MBNL2: variants seen among roughly 807,000 people sequenced by gnomAD.
MBNL2 encodes muscleblind-like protein 2.
A neutral mutation model predicts 41.9 loss-of-function variants in MBNL2; 17 were observed. The observed-to-expected ratio is 0.41, with a 90% CI of 0.28 to 0.61. The LOEUF (loss-of-function observed/expected upper bound fraction) is 0.61. Ranked by LOEUF, MBNL2 falls within the 20% of genes least tolerant of loss-of-function variation. The pLI is 0.35. For synonymous variants in MBNL2, 195 were observed against 182.9 expected, an observed-to-expected ratio of 1.07 and a Z score of -0.53; for missense variants, 336 against 505.6, an observed-to-expected ratio of 0.66 and a Z score of 3.22.
the MBNL2 span, among the ~76,000 whole-genome samples, chr13:97,177,924 C>T: frequency 2.8e-4 from 42 of 152,166 alleles, no homozygotes; most frequent in African/African-American, 9.7e-4. Context: ...TTCTCTAAGA[C>T]AAACCATCAA....
At chr13:97,208,277 G>A in the MBNL2 span, among the ~76,000 whole-genome samples, 6 of 152,310 alleles carry the variant, frequency 3.9e-5, no homozygotes, top group South Asian at 8.3e-4. Flanking sequence ...AGATCATGTT[G>A]TGGGACCATT....
intron 8 of MBNL2, among the ~76,000 whole-genome samples, chr13:97,378,358 GTAACATATCTGT>G (rs2065146795): frequency 6.6e-6 from 1 of 152,104 alleles, no homozygotes; most frequent in Non-Finnish European, 1.5e-5. Context: ...CTTATGTATG[GTAACATATCTGT>G]TAAGCCTAGA....
intron 3 of MBNL2, among the ~76,000 whole-genome samples, chr13:97,336,115 T>A (rs1258893650): frequency 6.6e-6 from 1 of 152,236 alleles, no homozygotes; most frequent in Non-Finnish European, 1.5e-5. Context: ...TCCCTGCTGT[T>A]AACTATTAGT....
intron 2 of MBNL2, among the ~76,000 whole-genome samples, chr13:97,291,302 T>C (rs1383285961): frequency 1.3e-5 from 2 of 151,986 alleles, no homozygotes; most frequent in African/African-American, 4.8e-5. Context: ...AGTGCAGTGG[T>C]GCAGTCTTGG....
intron 1 of MBNL2, among the ~76,000 whole-genome samples, chr13:97,273,593 T>C (rs1202445572): frequency 6.6e-6 from 1 of 152,250 alleles, no homozygotes; most frequent in Non-Finnish European, 1.5e-5. Flanking sequence ...CATGCAATTA[T>C]AACTCATGCA....
the MBNL2 span, among the ~76,000 whole-genome samples, chr13:97,183,091 G>T: frequency 6.6e-6 from 1 of 152,054 alleles, no homozygotes; most frequent in Non-Finnish European, 1.5e-5. Context: ...CAAAATCAAA[G>T]GTTATGGACT....
At chr13:97,174,788 T>C in the MBNL2 span, among the ~76,000 whole-genome samples, 1 of 151,724 alleles carries the variant, frequency 6.6e-6, no homozygotes, top group South Asian at 2.1e-4. Flanking sequence ...AAGCAGAGAC[T>C]CTCTAGACTC....
chr13:97,267,334 A>G (rs191663172), intron 1 of MBNL2, among the ~76,000 whole-genome samples: 1 of 152,244 alleles, frequency 6.6e-6, no homozygotes, highest in Non-Finnish European at 1.5e-5. Flanking sequence ...TCTTAAATAC[A>G]TTTTGAAAAA....
chr13:97,305,680 C>A (rs1478151982), intron 2 of MBNL2, among the ~76,000 whole-genome samples: 1 of 151,990 alleles, frequency 6.6e-6, no homozygotes, highest in Admixed American at 6.6e-5. Context: ...TAGGAGGATC[C>A]ATTACTTGAG....
chr13:97,147,775 T>A, the MBNL2 span, among the ~76,000 whole-genome samples: 1 of 152,100 alleles, frequency 6.6e-6, no homozygotes, highest in African/African-American at 2.4e-5. Flanking sequence ...CTTGTTTTCA[T>A]GAGGATAAAA....
At chr13:97,331,423 TA>T (rs1488261965) in intron 2 of MBNL2, among the ~76,000 whole-genome samples, 1 of 152,202 alleles carries the variant, frequency 6.6e-6, no homozygotes, top group African/African-American at 2.4e-5. Flanking sequence ...TCCATGCAAA[TA>T]ATTGTTTCCC....
intron 1 of MBNL2, among the ~76,000 whole-genome samples, chr13:97,240,834 C>G (rs902822631): frequency 6.6e-6 from 1 of 152,170 alleles, no homozygotes; most frequent in African/African-American, 2.4e-5. Flanking sequence ...GAAAATGAAG[C>G]ACTTGAACGA....
chr13:97,298,858 C>CA (rs1041511953), intron 2 of MBNL2, among the ~76,000 whole-genome samples: 2 of 152,190 alleles, frequency 1.3e-5, no homozygotes, highest in African/African-American at 4.8e-5. Flanking sequence ...CTTGCAGCTG[C>CA]AGTGGGCCTT....
chr13:97,332,053 A>G (rs2060479176), intron 2 of MBNL2, among the ~76,000 whole-genome samples: 1 of 152,228 alleles, frequency 6.6e-6, no homozygotes, highest in African/African-American at 2.4e-5. Context: ...TATAACAGCC[A>G]TACTGGTAGA....
intron 1 of MBNL2, among the ~76,000 whole-genome samples, chr13:97,273,954 G>A (rs1358470547): frequency 6.6e-6 from 1 of 151,982 alleles, no homozygotes; most frequent in Non-Finnish European, 1.5e-5. Context: ...CCAGCTACTC[G>A]GGAAGCTGAG....
chr13:97,327,412 GA>G (rs1333143912), intron 2 of MBNL2, among the ~76,000 whole-genome samples: 2 of 151,744 alleles, frequency 1.3e-5, no homozygotes, highest in African/African-American at 4.8e-5. Context: ...AATAGATCTG[GA>G]AAAAATATAG....
chr13:97,301,917 G>A (rs1395886601), intron 2 of MBNL2, among the ~76,000 whole-genome samples: 1 of 152,198 alleles, frequency 6.6e-6, no homozygotes, highest in Non-Finnish European at 1.5e-5. Context: ...GACCTACATA[G>A]TCTCAGAGCA....
At chr13:97,352,061 T>A (rs1021195356) in intron 5 of MBNL2, among the ~76,000 whole-genome samples, 11 of 126,376 alleles carry the variant, frequency 8.7e-5, no homozygotes, top group Admixed American at 1.6e-4. Flanking sequence ...AATAAATAAA[T>A]AATAAATAAA....
chr13:97,363,981 G>A (rs968593283), intron 7 of MBNL2, among the ~76,000 whole-genome samples: 3 of 152,050 alleles, frequency 2.0e-5, no homozygotes, highest in African/African-American at 4.8e-5. Flanking sequence ...CTACATTTAC[G>A]AGAAACTACT....
Sources: allele counts gnomAD v4.1 joint callset (sites outside exome capture counted in the v4.1 genomes callset), GRCh38; gene constraint gnomAD v4.1.1; transcripts MANE v1.5; gene names NCBI Gene and HGNC (gene_info 2026-07-23, HGNC 2026-07-21).